Variants in PTPRN2 observed in about 807,000 individuals in gnomAD.
PTPRN2 encodes the protein protein tyrosine phosphatase receptor type N2, also known as receptor-type tyrosine-protein phosphatase N2.
In PTPRN2, 74 loss-of-function variants were observed where a neutral mutation model predicts 118.8. That is an observed-to-expected ratio of 0.62 (90% CI 0.52 to 0.76). PTPRN2 has a LOEUF of 0.76. PTPRN2 is among the 30% of genes least tolerant of loss of function. The probability of loss-of-function intolerance (pLI) is 0.00; values close to 1 mark genes in which losing one functional copy is unlikely to be tolerated. For synonymous variants in PTPRN2, 641 were observed against 608.0 expected, an observed-to-expected ratio of 1.05 and a Z score of -0.80; for missense variants, 1,481 against 1,394.4, an observed-to-expected ratio of 1.06 and a Z score of -0.99.
At chr7:158,428,674 G>T (rs1308579516) in intron 2 of PTPRN2, among the ~76,000 whole-genome samples, 1 of 152,110 alleles carries the variant, frequency 6.6e-6, no homozygotes, top group Non-Finnish European at 1.5e-5. Flanking sequence ...TCACACAGTC[G>T]GGTCGTTTTT....
At chr7:157,878,793 C>CTCA (rs1563200608) in intron 12 of PTPRN2, among the ~76,000 whole-genome samples, 27 of 102,690 alleles carry the variant, frequency 2.6e-4, no homozygotes, top group South Asian at 3.6e-4. Context: ...GAGGAGCTCT[C>CTCA]GGATTCCGTG....
intron 21 of PTPRN2, among the ~76,000 whole-genome samples, chr7:157,554,301 C>T (rs1272547377): frequency 3.5e-5 from 2 of 56,348 alleles, no homozygotes; most frequent in African/African-American, 8.0e-5. Context: ...GCGGCCAGGC[C>T]GGGCGCCGGA....
rs1465417040 is a variant in PTPRN2, at chr7:158,353,756, A to G, written c.164-36824T>C. On this transcript the variant is annotated intron_variant, in intron 2 of 22. Transcript: ENST00000389418. ...CCCCATAACCTGCCTGGCATCCAGT[A>G]CACAAAAGATTTTCCCTTGACACAG... Among the ~76,000 whole-genome samples the G allele has an allele frequency of 4.5e-4, 68 of 152,202 alleles. 1 individual carries two copies. The highest frequency in any genetic ancestry group is 4.5e-3 in the Admixed American group (68 of 15,274).
intron 3 of PTPRN2, among the ~76,000 whole-genome samples, chr7:158,256,597 C>G (rs1255156111): frequency 6.6e-6 from 1 of 152,018 alleles, no homozygotes. Flanking sequence ...GGAACCTAGG[C>G]AGCTCCCGTG....
intron 2 of PTPRN2, among the ~76,000 whole-genome samples, chr7:158,402,586 T>G (rs1307736339): frequency 1.3e-5 from 2 of 152,176 alleles, no homozygotes; most frequent in African/African-American, 4.8e-5. Flanking sequence ...GCAGATAAAT[T>G]AAAGCCCCAA....
chr7:158,434,600 A>G (rs1816444060), intron 2 of PTPRN2, among the ~76,000 whole-genome samples: 2 of 152,112 alleles, frequency 1.3e-5, no homozygotes, highest in South Asian at 2.1e-4. Context: ...TTTAGTGACA[A>G]TCTTTAATTT....
chr7:158,149,735 C>T (rs995062144), intron 6 of PTPRN2, among the ~76,000 whole-genome samples: 25 of 150,044 alleles, frequency 1.7e-4, no homozygotes, highest in Non-Finnish European at 2.5e-4. Context: ...ACATGGGAGA[C>T]GGAGGTTGCG....
chr7:157,623,962 G>T (rs568794137), intron 14 of PTPRN2, among the ~76,000 whole-genome samples: 1 of 152,242 alleles, frequency 6.6e-6, no homozygotes, highest in South Asian at 2.1e-4. Context: ...CTCTTTCATG[G>T]CTTGTAGATA....
At position 158,509,214 on chromosome 7, in the gene PTPRN2, C is replaced by G. The variant is rs1435451602; in HGVS notation, c.113-19429G>C. On this transcript the variant is annotated intron_variant, in intron 1 of 22. Coordinates refer to ENST00000389418, the MANE Select transcript of PTPRN2 (RefSeq NM_002847.5). This position sits in a 1 kb window ranked among gnomAD's most constrained non-coding sequence, Gnocchi z 4.4. Reference sequence around the variant, plus strand: ...GGCGGGACCAGTGGACAGGCTGCAGCTCACAGGGTCCTTGCTCAAAGGCGG... The same window carrying G: ...GGCGGGACCAGTGGACAGGCTGCAGGTCACAGGGTCCTTGCTCAAAGGCGG... 6.6e-6 allele frequency among the ~76,000 whole-genome samples: 1 copy of G among 152,178 alleles called. No homozygotes were observed. The highest frequency in any genetic ancestry group is 2.1e-4 in the South Asian group (1 of 4,826).
chr7:158,577,779 C>T (rs1828419466), intron 1 of PTPRN2, among the ~76,000 whole-genome samples: 1 of 152,266 alleles, frequency 6.6e-6, no homozygotes, highest in African/African-American at 2.4e-5. Flanking sequence ...AGGGACAGGG[C>T]CCATCCAGGG....
chr7:157,747,192 T>C (rs1464122649), intron 12 of PTPRN2, among the ~76,000 whole-genome samples: 1 of 126,594 alleles, frequency 7.9e-6, no homozygotes, highest in African/African-American at 3.1e-5. Context: ...GGTGTGCGGG[T>C]GATTCTGAGG....
At chr7:158,444,867 C>A (rs1445491566) in intron 2 of PTPRN2, among the ~76,000 whole-genome samples, 8 of 152,230 alleles carry the variant, frequency 5.3e-5, no homozygotes, top group Non-Finnish European at 2.9e-5. Context: ...GCAGCTTACA[C>A]CCCAAGTTCA....
intron 13 of PTPRN2, among the ~76,000 whole-genome samples, chr7:157,669,385 A>G (rs1274801860): frequency 6.6e-6 from 1 of 152,070 alleles, no homozygotes; most frequent in East Asian, 1.9e-4. Context: ...GGTAACTTTT[A>G]CACTTGGACC....
rs1185407129 is a variant in PTPRN2, at chr7:158,333,620, G to A, written c.164-16688C>T. ...CACCCACACTCTCACTATAAGAGGTGACACCTACAGACATCACTCACACCC... is the reference window on the plus strand; with the variant it reads ...CACCCACACTCTCACTATAAGAGGTAACACCTACAGACATCACTCACACCC... On this transcript the variant is annotated intron_variant, in intron 2 of 22. Coordinates refer to ENST00000389418, the MANE Select transcript of PTPRN2 (RefSeq NM_002847.5). Among the ~76,000 whole-genome samples the A allele has an allele frequency of 3.3e-5, 5 of 150,654 alleles. No homozygotes were observed. In the East Asian group the frequency reaches 9.8e-4, roughly 29 times the overall value.
At chr7:157,827,021 C>T (rs1174419106) in intron 12 of PTPRN2, among the ~76,000 whole-genome samples, 3 of 152,144 alleles carry the variant, frequency 2.0e-5, no homozygotes, top group Non-Finnish European at 4.4e-5. Flanking sequence ...AGACACATTG[C>T]ACTAGAGATG....
chr7:158,307,747 T>C (rs1801402941), intron 3 of PTPRN2, among the ~76,000 whole-genome samples: 1 of 152,214 alleles, frequency 6.6e-6, no homozygotes, highest in Non-Finnish European at 1.5e-5. Flanking sequence ...AAAACTCATG[T>C]TGAAGTTTAA....
chr7:158,080,818 G>C (rs1812763947), intron 11 of PTPRN2, among the ~76,000 whole-genome samples: 1 of 152,136 alleles, frequency 6.6e-6, no homozygotes, highest in Admixed American at 6.5e-5. Context: ...GGTTTTTACT[G>C]AAACCTCCCA....
intron 2 of PTPRN2, among the ~76,000 whole-genome samples, chr7:158,469,486 A>G (rs531606000): frequency 1.4e-4 from 21 of 152,116 alleles, no homozygotes; most frequent in Non-Finnish European, 2.4e-4. Flanking sequence ...CAATGAACAC[A>G]CCAAAAAAAT....
rs1803869072 is a variant in PTPRN2 at position 157,987,203 on chromosome 7, G to A, written c.1724-88466C>T. ...ATTTCTTCCTGGGATTAGGAAGCAC[G>A]AAGTGTCCAGATCTGCTTCTGAAAT... is the stretch of plus-strand genomic sequence containing the variant. On this transcript the variant is annotated intron_variant, in intron 11 of 22. Coordinates refer to ENST00000389418, the MANE Select transcript of PTPRN2 (RefSeq NM_002847.5). This position sits in a 1 kb window ranked among gnomAD's most constrained non-coding sequence, Gnocchi z 4.3. Among the ~76,000 whole-genome samples, 1 of 152,114 alleles carries A rather than the reference G, an allele frequency of 6.6e-6. No individual in the cohort carries two copies. Among genetic ancestry groups the A allele is most frequent in the South Asian group, 2.1e-4 (1 of 4,824 alleles).
Sources: gnomAD v4.1 joint callset for allele counts (sites outside exome capture counted in the v4.1 genomes callset) on GRCh38, gnomAD v4.1.1 for gene constraint, Gnocchi (gnomAD v3.1) non-coding constraint, MANE v1.5 for transcripts, NCBI Gene and HGNC (gene_info 2026-07-23, HGNC 2026-07-21) for gene names.